Variants in BCOR observed in about 807,000 individuals in gnomAD.
BCOR encodes BCL-6 corepressor.
A neutral mutation model predicts 86.7 loss-of-function variants in BCOR; 10 were observed. The ratio of observed to expected loss-of-function variants is 0.12; its 90% CI spans 0.07 to 0.20. BCOR has a LOEUF of 0.20. Among genes scored for constraint, BCOR ranks in the 10% least tolerant of loss-of-function variants. The pLI is 1.00. For missense variants in BCOR, 1,259 were observed against 1,452.1 expected, an observed-to-expected ratio of 0.87 and a Z score of 2.16; for synonymous variants, 611 against 609.0, an observed-to-expected ratio of 1.00 and a Z score of -0.05.
At chrX:40,084,200 G>A (rs1228018909) in intron 1 of BCOR, among the ~76,000 whole-genome samples, 1 of 111,952 alleles carries the variant, frequency 8.9e-6, no homozygotes, top group Non-Finnish European at 1.9e-5. Flanking sequence ...CCTGAGGGTC[G>A]CTGCCGAACC....
chrX:40,064,527 T>C lies in BCOR; in HGVS notation c.3311A>G (p.Lys1104Arg), dbSNP rs1191807105. The change falls in exon 7 of 15, where the codon AAG becomes AGG. Residue 1104 changes from lysine to arginine, a missense_variant. Physicochemically the swap from Lys to Arg is conservative, Grantham distance 26. Coordinates refer to ENST00000378444, the MANE Select transcript of BCOR (RefSeq NM_001123385.2). ...APEDKDLPVE[K>R]YFVERQPVSE... ...CACAGGCTGCCTCTCCACAAAGTAC[T>C]TCTCCACAGGAAGATCTTTGTCCTC... 1.6e-5 allele frequency: 19 copies of C among 1,212,001 alleles called. No homozygotes were observed. Among genetic ancestry groups the C allele is most frequent in the Admixed American group, 2.2e-5 (1 of 46,108 alleles).
chrX:40,154,450 CCT>C (rs1938242651), intron 1 of BCOR, among the ~76,000 whole-genome samples: 1 of 111,918 alleles, frequency 8.9e-6, no homozygotes, highest in Non-Finnish European at 1.9e-5. Flanking sequence ...CTCCCCTTTC[CCT>C]CTCTTTAAAT....
chrX:40,142,864 AT>A (rs779442846), intron 1 of BCOR, among the ~76,000 whole-genome samples: 5 of 111,554 alleles, frequency 4.5e-5, no homozygotes, highest in Non-Finnish European at 7.5e-5. Context: ...CTCTCGGAAG[AT>A]TCACTTTCTC....
chrX:40,139,873 A>G (rs1311756743), intron 1 of BCOR, among the ~76,000 whole-genome samples: 2 of 109,114 alleles, frequency 1.8e-5, no homozygotes, highest in African/African-American at 3.3e-5. Flanking sequence ...AACTGGGAGC[A>G]CTGGTTGCCT....
chrX:40,121,693 T>C (rs5963743), intron 1 of BCOR, among the ~76,000 whole-genome samples: 27,770 of 111,761 alleles, frequency 0.25, 4,141 homozygotes, highest in African/African-American at 0.57. Flanking sequence ...GGGAAGGCAG[T>C]GTTAGCCAGG....
At chrX:40,116,590 T>C (rs950616483) in intron 1 of BCOR, among the ~76,000 whole-genome samples, 1 of 111,698 alleles carries the variant, frequency 9.0e-6, no homozygotes, top group Non-Finnish European at 1.9e-5. Context: ...TTTGCCTGCT[T>C]GCCTGGAAGC....
intron 1 of BCOR, chrX:40,146,374 C>T (rs1193998748): frequency 9.0e-6 from 1 of 111,253 alleles, no homozygotes; most frequent in South Asian, 3.8e-4. Flanking sequence ...GGGGCCCTGC[C>T]GGGGCCTGAG....
chrX:40,155,211 C>T (rs1232648181), intron 1 of BCOR, among the ~76,000 whole-genome samples: 2 of 112,888 alleles, frequency 1.8e-5, no homozygotes, highest in Non-Finnish European at 3.8e-5. Flanking sequence ...CAATCAGTTT[C>T]CGAAAGGTCA....
chrX:40,130,379 C>T (rs914327479), intron 1 of BCOR, among the ~76,000 whole-genome samples: 1 of 112,299 alleles, frequency 8.9e-6, no homozygotes, highest in African/African-American at 3.2e-5. Flanking sequence ...CTCCAAGACC[C>T]GCTCTGCCAG....
At chrX:40,127,906 A>AAATAAATT (rs1465436048) in intron 1 of BCOR, among the ~76,000 whole-genome samples, 25 of 103,491 alleles carry the variant, frequency 2.4e-4, no homozygotes, top group African/African-American at 7.5e-4. Flanking sequence ...ATAAATAAAT[A>AAATAAATT]AATTTAAAAA....
intron 1 of BCOR, among the ~76,000 whole-genome samples, chrX:40,144,366 A>G (rs1323087491): frequency 8.9e-6 from 1 of 111,977 alleles, no homozygotes; most frequent in Non-Finnish European, 1.9e-5. Flanking sequence ...CAGGGAGCTG[A>G]AAAGAAAACG....
chrX:40,073,536 T>A lies in BCOR; in HGVS notation c.1810A>T (p.Thr604Ser). ...GTGCTGCTACTGTGCTTGGCAGGAGTGGCCGGGGGCTGGCCCACGTGCTGA... is the reference window on the plus strand; with the variant it reads ...GTGCTGCTACTGTGCTTGGCAGGAGAGGCCGGGGGCTGGCCCACGTGCTGA... ...VIQHVGQPPA[T>S]PAKHSSSTSS... is the part of the protein sequence containing the mutation. Residue 604 changes from threonine to serine, a missense_variant, in exon 4 of 15, where the codon ACT (threonine) becomes TCT (serine). Around this residue, in one of 7 missense-constraint regions of BCOR, gnomAD observed 534 missense variants for 594.8 expected, o/e 0.90. Transcript: ENST00000378444. 8.3e-7 allele frequency: 1 copy of A among 1,211,906 alleles called. No individual in the cohort carries two copies. The highest frequency in any genetic ancestry group is 1.1e-6 in the Non-Finnish European group (1 of 895,552).
At chrX:40,117,919 C>T (rs886197343) in intron 1 of BCOR, among the ~76,000 whole-genome samples, 22 of 109,798 alleles carry the variant, frequency 2.0e-4, no homozygotes, top group African/African-American at 7.0e-4. Flanking sequence ...AACTACTATT[C>T]GAGAGATAGT....
Position 40,072,705 on chromosome X carries a change from C to T in BCOR, c.2641G>A (p.Asp881Asn). ...TTGTTGGTACCTGCCAGAACACTGT[C>T]CTTGCTTACGGTGAAGACTGGCTGT... ...FKQPVFTVSKDSVLAGTNKEN... is the reference protein window; with the variant it reads ...FKQPVFTVSKNSVLAGTNKEN... The change falls in exon 4 of 15, where the codon GAC becomes AAC. Residue 881 changes from aspartate (D) to asparagine (N), a missense_variant. Asp to Asn is a conservative substitution (Grantham distance 23). Transcript: ENST00000378444. The T allele has an allele frequency of 5.8e-6, 7 of 1,211,895 alleles. No homozygotes were observed. The highest frequency in any genetic ancestry group is 7.8e-6 in the Non-Finnish European group (7 of 895,552).
chrX:40,105,201 G>GC lies in BCOR; in HGVS notation c.-40-27233dup, dbSNP rs1286050363. On this transcript the variant is annotated intron_variant, in intron 1 of 14. Coordinates refer to the BCOR transcript ENST00000342274. The stretch of plus-strand genomic sequence containing the variant: ...CCCCGCCCCTCCCCGTGGGGGCTGG[G>GC]CCGAGACCACCCTGCGGCCCCCATC... 9.0e-5 allele frequency among the ~76,000 whole-genome samples: 10 copies of GC among 111,000 alleles called. No individual in the cohort carries two copies. The highest frequency in any genetic ancestry group is 3.3e-4 in the African/African-American group (10 of 30,684).
At chrX:40,134,570 C>T (rs773820455) in intron 1 of BCOR, among the ~76,000 whole-genome samples, 1 of 111,683 alleles carries the variant, frequency 9.0e-6, no homozygotes, top group East Asian at 2.8e-4. Flanking sequence ...CTGCAGTGAG[C>T]CATGATCACA....
chrX:40,176,775 C>T (rs1198850389), intron 1 of BCOR, among the ~76,000 whole-genome samples: 1 of 112,206 alleles, frequency 8.9e-6, no homozygotes, highest in Non-Finnish European at 1.9e-5. Flanking sequence ...CCCCGCGCCA[C>T]CCCCGCCCGG....
At chrX:40,109,346 C>A (rs1304088847) in intron 1 of BCOR, among the ~76,000 whole-genome samples, 1 of 111,113 alleles carries the variant, frequency 9.0e-6, no homozygotes. Flanking sequence ...CTTGTCAGGT[C>A]AAGGGCAGGA....
At chrX:40,084,046 T>C (rs934482798) in intron 1 of BCOR, among the ~76,000 whole-genome samples, 11 of 112,318 alleles carry the variant, frequency 9.8e-5, no homozygotes, top group African/African-American at 3.6e-4. Context: ...GCCATCGTTC[T>C]GGGTTCCCTT....
Sources: gnomAD v4.1 joint callset for allele counts (sites outside exome capture counted in the v4.1 genomes callset) on GRCh38, gnomAD v4.1.1 for gene constraint, gnomAD v4.1.1 regional missense constraint, MANE v1.5 for transcripts, NCBI Gene and HGNC (gene_info 2026-07-23, HGNC 2026-07-21) for gene names.